Variants in SEZ6L observed in about 807,000 individuals in gnomAD.
The protein encoded by SEZ6L is seizure related 6 homolog like.
Under a neutral mutation model 106.2 loss-of-function variants are expected in SEZ6L, and 37 were observed. That is an observed-to-expected ratio of 0.35 (90% confidence interval 0.27 to 0.46). The LOEUF (loss-of-function observed/expected upper bound fraction) is 0.46. SEZ6L is among the 20% of genes least tolerant of loss of function. The probability of loss-of-function intolerance (pLI) is 1.00; values close to 1 mark genes in which losing one functional copy is unlikely to be tolerated. For synonymous variants in SEZ6L, 541 were observed against 570.4 expected (o/e 0.95, Z 0.73); for missense variants, 1,172 against 1,332.8 (o/e 0.88, Z 1.88).
At position 26,298,967 on chromosome 22, in the gene SEZ6L, T is replaced by G; in HGVS notation, c.1163-17T>G. On this transcript the variant is annotated splice_polypyrimidine_tract_variant and intron_variant, in intron 4 of 16. Transcript: ENST00000248933. ...ACTCCAAGTGATGACTGAGTCTGCCTCTGCATTTCTTCCCAGCCTTCATGC... is the reference window on the plus strand; with the variant it reads ...ACTCCAAGTGATGACTGAGTCTGCCGCTGCATTTCTTCCCAGCCTTCATGC... 6.5e-7 allele frequency: 1 copy of G among 1,543,098 alleles called. No individual in the cohort carries two copies. Among genetic ancestry groups the G allele is most frequent in the South Asian group, 1.3e-5 (1 of 79,700 alleles).
intron 1 of SEZ6L, among the ~76,000 whole-genome samples, chr22:26,288,758 G>A (rs1333422012): frequency 6.6e-6 from 1 of 152,212 alleles, no homozygotes; most frequent in Non-Finnish European, 1.5e-5. Context: ...AAATATCACT[G>A]TTATTTTGGC....
chr22:26,362,132 C>T (rs1217312485), intron 12 of SEZ6L, among the ~76,000 whole-genome samples: 1 of 152,170 alleles, frequency 6.6e-6, no homozygotes, highest in East Asian at 1.9e-4. Flanking sequence ...GATTCCTTGC[C>T]AGCCCTCTTA....
rs1462231063 is a variant in SEZ6L, at chr22:26,351,758, G to C, written c.2599+515G>C. ...GATGGGGTTTCACCATGTTGGCCAG[G>C]CTGGTCTTGAACTCTTGATCTCAAA... On this transcript the variant is annotated intron_variant, in intron 12 of 16. Transcript: ENST00000248933. Among the ~76,000 whole-genome samples the C allele has an allele frequency of 3.3e-5, 5 of 152,192 alleles. No homozygotes were observed. The East Asian group carries it at 9.7e-4, about 30-fold the overall frequency.
intron 1 of SEZ6L, among the ~76,000 whole-genome samples, chr22:26,236,094 A>G (rs182990700): frequency 1.2e-4 from 18 of 152,304 alleles, no homozygotes; most frequent in African/African-American, 4.1e-4. Flanking sequence ...TGTGCCCACA[A>G]AAGCCTCCTT....
At chr22:26,332,896 G>A (rs185660188) in intron 9 of SEZ6L, among the ~76,000 whole-genome samples, 6 of 152,332 alleles carry the variant, frequency 3.9e-5, no homozygotes, top group African/African-American at 7.2e-5. Flanking sequence ...ATCAAAAGAC[G>A]TAGGTTTGAA....
rs1003471261 is a variant in SEZ6L, at chr22:26,338,434, A to G, written c.2016-2002A>G. Among the ~76,000 whole-genome samples, 39 of 152,060 alleles carry G rather than the reference A, an allele frequency of 2.6e-4. 1 individual carries two copies. Among genetic ancestry groups the G allele is most frequent in the Admixed American group, 2.6e-3 (39 of 15,258 alleles). On this transcript the variant is annotated intron_variant, in intron 9 of 16. Coordinates refer to ENST00000248933, the MANE Select transcript of SEZ6L (RefSeq NM_021115.5). ...GTTTTGTGAGATGAGTTCTTGCTCT[A>G]TTGCCCAGGCTGGAGTACAGTGGCA...
Position 26,298,997 on chromosome 22 carries a change from C to G in SEZ6L, c.1176C>G (p.Ser392Arg). ...FQLHYQAFML[S>R]CNFPRRPDSG... ...ATTTCTTCCCAGCCTTCATGCTGAGCTGCAACTTTCCCCGCCGGCCTGACT... is the reference window on the plus strand; with the variant it reads ...ATTTCTTCCCAGCCTTCATGCTGAGGTGCAACTTTCCCCGCCGGCCTGACT... Residue 392 changes from serine (S) to arginine (R), a missense_variant, in exon 5 of 17, where the codon AGC becomes AGG. Physicochemically the swap from Ser to Arg is moderately radical, Grantham distance 110 (BLOSUM62 -1). Around this residue, in one of 4 missense-constraint regions of SEZ6L, gnomAD observed 534 missense variants for 691.0 expected, o/e 0.77. Coordinates refer to ENST00000248933, the MANE Select transcript of SEZ6L (RefSeq NM_021115.5). 1 of 1,583,338 alleles carries G rather than the reference C, an allele frequency of 6.3e-7. No individual in the cohort carries two copies. Among genetic ancestry groups the G allele is most frequent in the Non-Finnish European group, 8.6e-7 (1 of 1,164,540 alleles).
At chr22:26,312,290 C>T (rs1371545686) in intron 8 of SEZ6L, among the ~76,000 whole-genome samples, 1 of 152,232 alleles carries the variant, frequency 6.6e-6, no homozygotes, top group Non-Finnish European at 1.5e-5. Context: ...ACGCAATAAC[C>T]TCATTAATAA....
intron 1 of SEZ6L, among the ~76,000 whole-genome samples, chr22:26,264,691 G>C (rs1182713375): frequency 6.6e-6 from 1 of 152,092 alleles, no homozygotes; most frequent in Admixed American, 6.6e-5. Flanking sequence ...AGCATCCTTA[G>C]ACAATACATA....
chr22:26,274,092 G>A (rs1569436299), intron 1 of SEZ6L, among the ~76,000 whole-genome samples: 1 of 152,152 alleles, frequency 6.6e-6, no homozygotes, highest in Non-Finnish European at 1.5e-5. Context: ...TCTGTCCAGT[G>A]CTTTTCAGAT....
chr22:26,353,656 G>A lies in SEZ6L; in HGVS notation c.2599+2413G>A, dbSNP rs553689822. ...CCTAACCCACAGTATCTGTAACTGC[G>A]ACCTTGATTGGACATAGCGTCTTCG... is the stretch of plus-strand genomic sequence containing the variant. On this transcript the variant is annotated intron_variant, in intron 12 of 16. Transcript: ENST00000248933. Among the ~76,000 whole-genome samples, 6 of 152,288 alleles carry A rather than the reference G, an allele frequency of 3.9e-5. No homozygotes were observed. The South Asian group carries it at 6.2e-4, about 16-fold the overall frequency.
At chr22:26,225,350 C>T (rs185890247) in intron 1 of SEZ6L, among the ~76,000 whole-genome samples, 21 of 152,314 alleles carry the variant, frequency 1.4e-4, no homozygotes, top group African/African-American at 5.1e-4. Flanking sequence ...CAACCACTGC[C>T]AAGCCAGCTC....
chr22:26,375,725 C>A, intron 15 of SEZ6L, 36 bp downstream of exon 15: 1 of 1,514,638 alleles, frequency 6.6e-7, no homozygotes, highest in Non-Finnish European at 9.1e-7. Context: ...TGCCAAGCAC[C>A]CAGCCACCAG....
intron 1 of SEZ6L, among the ~76,000 whole-genome samples, chr22:26,276,839 T>G (rs1569438307): frequency 6.6e-6 from 1 of 152,200 alleles, no homozygotes; most frequent in Non-Finnish European, 1.5e-5. Context: ...TGCTAATCAG[T>G]TGGCATTGAT....
chr22:26,216,354 C>T lies in SEZ6L; in HGVS notation c.94+46591C>T, dbSNP rs575881571. ...AGTGGTGGATGTTTAGTTTATTGTCCTAAGAAATGATCCAGCAGGGGCCGA... is the reference window on the plus strand; with the variant it reads ...AGTGGTGGATGTTTAGTTTATTGTCTTAAGAAATGATCCAGCAGGGGCCGA... On this transcript the variant is annotated intron_variant, in intron 1 of 16. Coordinates refer to ENST00000248933, the MANE Select transcript of SEZ6L (RefSeq NM_021115.5). Among the ~76,000 whole-genome samples the T allele has an allele frequency of 5.9e-5, 9 of 152,246 alleles. No individual in the cohort carries two copies. The South Asian group carries it at 1.9e-3, about 32-fold the overall frequency.
rs761712529 is a variant in SEZ6L, at chr22:26,299,183, T to G, written c.1348+14T>G. ...CCATCTGCTCAGGTATGCTCCAGCCTCAGCCGGACCAAACCTGATGGTCCA... is the reference window on the plus strand; with the variant it reads ...CCATCTGCTCAGGTATGCTCCAGCCGCAGCCGGACCAAACCTGATGGTCCA... On this transcript the variant is annotated intron_variant, in intron 5 of 16. Transcript: ENST00000248933. 4.1e-5 allele frequency: 59 copies of G among 1,428,234 alleles called. No individual in the cohort carries two copies. Among genetic ancestry groups the G allele is most frequent in the Non-Finnish European group, 5.4e-5 (58 of 1,081,676 alleles). 88.5% of individuals were successfully genotyped at this position (1,428,234 alleles called of 1,614,324 possible).
chr22:26,205,297 C>T (rs1411292430), intron 1 of SEZ6L, among the ~76,000 whole-genome samples: 3 of 152,196 alleles, frequency 2.0e-5, no homozygotes, highest in African/African-American at 7.2e-5. Flanking sequence ...TCTTCAGTGA[C>T]GTACATGCAT....
At chr22:26,279,273 T>C (rs1472787767) in intron 1 of SEZ6L, among the ~76,000 whole-genome samples, 1 of 152,094 alleles carries the variant, frequency 6.6e-6, no homozygotes, top group South Asian at 2.1e-4. Flanking sequence ...TTTCTTTGTC[T>C]CTCCTCCCAC....
At chr22:26,216,692 G>C (rs1457381865) in intron 1 of SEZ6L, among the ~76,000 whole-genome samples, 1 of 151,850 alleles carries the variant, frequency 6.6e-6, no homozygotes, top group Non-Finnish European at 1.5e-5. Flanking sequence ...AAAAGAAAAA[G>C]AAATGGTCCA....
Sources: gnomAD v4.1 joint callset for allele counts (sites outside exome capture counted in the v4.1 genomes callset) on GRCh38, gnomAD v4.1.1 for gene constraint, gnomAD v4.1.1 regional missense constraint, MANE v1.5 for transcripts, NCBI Gene and HGNC (gene_info 2026-07-23, HGNC 2026-07-21) for gene names.